GNB1: variants seen among roughly 807,000 people sequenced by gnomAD.
GNB1 encodes G protein subunit beta 1, also known as guanine nucleotide-binding protein G(I)/G(S)/G(T) subunit beta-1.
A neutral mutation model predicts 42.9 loss-of-function variants in GNB1; 2 were observed. The observed-to-expected ratio is 0.05, with a 90% CI of 0.02 to 0.15. The LOEUF (loss-of-function observed/expected upper bound fraction) is 0.15. Ranked by LOEUF, GNB1 falls within the 10% of genes least tolerant of loss-of-function variation. The pLI is 1.00. For synonymous variants in GNB1, 183 were observed against 174.7 expected, an observed-to-expected ratio of 1.05 and a Z score of -0.38; for missense variants, 193 against 462.2, an observed-to-expected ratio of 0.42 and a Z score of 5.34.
intron 5 of GNB1, among the ~76,000 whole-genome samples, chr1:1,810,078 ATAT>A (rs1646754516): frequency 1.3e-5 from 2 of 151,488 alleles, no homozygotes; most frequent in Non-Finnish European, 2.9e-5. Flanking sequence ...ACAAAAAAAT[ATAT>A]ATATATATTT....
At position 1,818,674 on chromosome 1, in the gene GNB1, C is replaced by T. The variant is rs1646889779; in HGVS notation, c.58-799G>A. Among the ~76,000 whole-genome samples, 3 of 151,956 alleles carry T rather than the reference C, an allele frequency of 2.0e-5. No homozygotes were observed. The South Asian group carries it at 6.2e-4, about 31-fold the overall frequency. On this transcript the variant is annotated intron_variant, in intron 3 of 11. Transcript: ENST00000378609. The stretch of plus-strand genomic sequence containing the variant: ...GGTCAGGAGTTCAAGACCAGCCTGG[C>T]CAACATGGTGAAACCCCATCTCTAC...
chr1:1,881,802 T>G (rs1036304556), intron 1 of GNB1, among the ~76,000 whole-genome samples: 1 of 152,196 alleles, frequency 6.6e-6, no homozygotes, highest in African/African-American at 2.4e-5. Flanking sequence ...GCTGTGCTCT[T>G]ATGCGCTTGA....
Position 1,789,225 on chromosome 1 carries a change from G to A in GNB1, c.744C>T (p.Ala248=), listed in dbSNP as rs1429700732. ...GNAFATGSDD[A]TCRLFDLRAD... is the part of the protein sequence containing the mutation. The stretch of plus-strand genomic sequence containing the variant: ...CACGAAGGTCAAACAGCCTGCAGGT[G>A]GCGTCGTCTGAGCCAGTGGCAAATG... The change falls in exon 10 of 12, where the codon GCC becomes GCT. Residue 248 remains alanine (A), a synonymous_variant. Coordinates refer to ENST00000378609, the MANE Select transcript of GNB1 (RefSeq NM_002074.5). 1 of 1,613,346 alleles carries A rather than the reference G, an allele frequency of 6.2e-7. No homozygotes were observed. Among genetic ancestry groups the A allele is most frequent in the African/African-American group, 1.3e-5 (1 of 74,920 alleles).
chr1:1,873,721 G>C (rs1649373400), intron 1 of GNB1, among the ~76,000 whole-genome samples: 1 of 152,190 alleles, frequency 6.6e-6, no homozygotes, highest in Non-Finnish European at 1.5e-5. Flanking sequence ...AGGAGGCTGA[G>C]GCAGAAGAAT....
chr1:1,869,539 C>T (rs1197328221), intron 1 of GNB1, among the ~76,000 whole-genome samples: 3 of 152,180 alleles, frequency 2.0e-5, no homozygotes, highest in Admixed American at 1.3e-4. Context: ...CCTGCTTCCT[C>T]CTCCCGTGAA....
intron 2 of GNB1, among the ~76,000 whole-genome samples, chr1:1,838,354 G>A (rs1018342272): frequency 1.8e-4 from 27 of 151,992 alleles, no homozygotes; most frequent in African/African-American, 6.3e-4. Context: ...CACTCACTAC[G>A]AACATGGCTT....
At chr1:1,823,822 T>C (rs1192570339) in intron 3 of GNB1, among the ~76,000 whole-genome samples, 5 of 152,200 alleles carry the variant, frequency 3.3e-5, no homozygotes, top group Non-Finnish European at 7.3e-5. Flanking sequence ...AATACTTGAC[T>C]TCATCCTTGC....
At chr1:1,853,092 T>C (rs934820649) in intron 1 of GNB1, among the ~76,000 whole-genome samples, 1 of 151,940 alleles carries the variant, frequency 6.6e-6, no homozygotes, top group African/African-American at 2.4e-5. Flanking sequence ...CTCCCTTCCA[T>C]CCCTTTCCCC....
chr1:1,884,456 C>T (rs1650035034), intron 1 of GNB1, among the ~76,000 whole-genome samples: 1 of 152,168 alleles, frequency 6.6e-6, no homozygotes, highest in Non-Finnish European at 1.5e-5. Context: ...AGGTGATCCG[C>T]TCACCTTGGC....
At chr1:1,822,275 C>T (rs1395412411) in intron 3 of GNB1, among the ~76,000 whole-genome samples, 1 of 151,170 alleles carries the variant, frequency 6.6e-6, no homozygotes, top group African/African-American at 2.4e-5. Context: ...GCATGAGCCA[C>T]GGTGCCTGGC....
At chr1:1,881,631 C>A (rs1438327118) in intron 1 of GNB1, among the ~76,000 whole-genome samples, 2 of 152,118 alleles carry the variant, frequency 1.3e-5, no homozygotes, top group Non-Finnish European at 2.9e-5. Flanking sequence ...AACTCCTGAC[C>A]TCAAGTGATC....
In GNB1 at chr1:1,818,442, G is replaced by A. The variant is rs186073745; in HGVS notation, c.58-567C>T. 2.5e-3 allele frequency: 385 copies of A among 152,152 alleles called. 1 individual carries two copies. Among genetic ancestry groups the A allele is most frequent in the Non-Finnish European group, 3.1e-3 (211 of 68,076 alleles). The allele number at this position is 152,152 out of a possible 1,614,324, so 9.4% of individuals were successfully genotyped here. On this transcript the variant is annotated intron_variant, in intron 3 of 11. Coordinates refer to ENST00000378609, the MANE Select transcript of GNB1 (RefSeq NM_002074.5). Reference sequence around the variant, plus strand: ...TAATTCTAAATTCTATGGAGGGCGCGGTCTCACGTCTGTAATCCTAGCACT... The same window carrying A: ...TAATTCTAAATTCTATGGAGGGCGCAGTCTCACGTCTGTAATCCTAGCACT...
intron 2 of GNB1, among the ~76,000 whole-genome samples, chr1:1,828,913 A>AC (rs397734629): frequency 2.0e-5 from 3 of 151,622 alleles, no homozygotes; most frequent in Non-Finnish European, 2.9e-5. Flanking sequence ...ACACACACAC[A>AC]ATTTTTGTTA....
intron 2 of GNB1, among the ~76,000 whole-genome samples, chr1:1,835,005 G>A (rs1044296275): frequency 6.6e-6 from 1 of 152,120 alleles, no homozygotes; most frequent in African/African-American, 2.4e-5. Flanking sequence ...AAATCCTTAG[G>A]TTTAGGGAAA....
intron 1 of GNB1, among the ~76,000 whole-genome samples, chr1:1,886,784 C>A (rs1251666915): frequency 6.6e-6 from 1 of 152,226 alleles, no homozygotes; most frequent in African/African-American, 2.4e-5. Context: ...TGGCTCACTG[C>A]AAGCTCCCCC....
rs1646398157 is a variant in GNB1, at chr1:1,785,819, G to T, written c.*1244C>A. ...GCAACAGAACTTTTTTTTTTTTAAA[G>T]AAATAAAGAAAACAGTGACTTATCC... On this transcript the variant is annotated 3_prime_UTR_variant, in exon 12 of 12. Transcript: ENST00000378609. 7.9e-4 allele frequency: 186 copies of T among 234,502 alleles called. No individual in the cohort carries two copies. The highest frequency in any genetic ancestry group is 1.2e-3 in the East Asian group (16 of 13,798). 14.5% of individuals were successfully genotyped at this position (234,502 alleles called of 1,614,324 possible).
At chr1:1,804,177 G>A (rs1212830743) in intron 7 of GNB1, among the ~76,000 whole-genome samples, 1 of 151,574 alleles carries the variant, frequency 6.6e-6, no homozygotes, top group African/African-American at 2.4e-5. Context: ...GGCGCCTGTA[G>A]TCCCAGCTAC....
intron 1 of GNB1, among the ~76,000 whole-genome samples, chr1:1,839,455 C>T (rs1156716447): frequency 6.6e-6 from 1 of 152,112 alleles, no homozygotes; most frequent in Non-Finnish European, 1.5e-5. Context: ...CTTTAAGAAT[C>T]CTTAGAAATG....
intron 7 of GNB1, among the ~76,000 whole-genome samples, chr1:1,799,796 C>G (rs936382132): frequency 6.6e-6 from 1 of 152,210 alleles, no homozygotes; most frequent in Non-Finnish European, 1.5e-5. Context: ...TACAGCCTCA[C>G]ACACAAGACC....
Sources: gnomAD v4.1 joint callset for allele counts (sites outside exome capture counted in the v4.1 genomes callset) on GRCh38, gnomAD v4.1.1 for gene constraint, MANE v1.5 for transcripts, NCBI Gene and HGNC (gene_info 2026-07-23, HGNC 2026-07-21) for gene names.